The following KEL variants were observed in gnomAD, a reference collection of about 807,000 sequenced individuals.
KEL encodes Kell metallo-endopeptidase (Kell blood group).
In KEL, 96 loss-of-function variants were observed where a neutral mutation model predicts 99.5. That is an observed-to-expected ratio of 0.97 (90% CI 0.82 to 1.14). The LOEUF (loss-of-function observed/expected upper bound fraction) is 1.14, where lower values mean the gene tolerates loss of function less well. Ranked by LOEUF, KEL falls within the 50% of genes most tolerant of loss-of-function variation. The pLI is 0.00. For synonymous variants in KEL, 355 were observed against 354.8 expected (o/e 1.00, Z -0.01); for missense variants, 926 against 924.2 (o/e 1.00, Z -0.03).
chr7:142,955,869 C>T (rs548734273), intron 6 of KEL, among the ~76,000 whole-genome samples: 68 of 152,310 alleles, frequency 4.5e-4, no homozygotes, highest in Admixed American at 9.8e-4. Flanking sequence ...GTGTCCACTG[C>T]CATAACTGTT....
At chr7:142,957,609 C>A (rs1796856958) in intron 6 of KEL, among the ~76,000 whole-genome samples, 1 of 152,192 alleles carries the variant, frequency 6.6e-6, no homozygotes, top group African/African-American at 2.4e-5. Context: ...AAAGACCAGG[C>A]CTACTTCTGT....
At position 142,953,897 on chromosome 7, in the gene KEL, G is replaced by C. The variant is rs200342923; in HGVS notation, c.984C>G (p.Ser328=). The change falls in exon 9 of 19, where the codon TCC becomes TCG. Residue 328 remains serine, a synonymous_variant. Coordinates refer to ENST00000355265, the MANE Select transcript of KEL (RefSeq NM_000420.3). ...SCLQATFTPM[S]LSPSQSLVVH... is the part of the protein sequence containing the mutation. Reference sequence around the variant, plus strand: ...CCACGAGGGACTGAGAAGGGCTCAGGGACATCGGTGTGAATGTCGCTTGCA... The same window carrying C: ...CCACGAGGGACTGAGAAGGGCTCAGCGACATCGGTGTGAATGTCGCTTGCA... The C allele has an allele frequency of 1.2e-6, 2 of 1,614,192 alleles. No individual in the cohort carries two copies. Among genetic ancestry groups the C allele is most frequent in the South Asian group, 1.1e-5 (1 of 91,086 alleles).
At chr7:142,948,592 T>G (rs543449873) in intron 10 of KEL, among the ~76,000 whole-genome samples, 1 of 152,304 alleles carries the variant, frequency 6.6e-6, no homozygotes, top group African/African-American at 2.4e-5. Flanking sequence ...ATTAAACAGT[T>G]TTTTAACACT....
At chr7:142,954,855 C>T (rs1428760779) in intron 6 of KEL, among the ~76,000 whole-genome samples, 1 of 152,062 alleles carries the variant, frequency 6.6e-6, no homozygotes, top group East Asian at 1.9e-4. Context: ...AGGAACCTGT[C>T]CCAGGTACAA....
Position 142,953,970 on chromosome 7 carries a change from C to A in KEL, c.925-14G>T, listed in dbSNP as rs758539992. 6.2e-7 allele frequency: 1 copy of A among 1,612,788 alleles called. No homozygotes were observed. ...GGGGGCCATTTCCTTAGAGGAGGGA[C>A]ACAAAGCTGAGGGGGAAAAGGAAAA... On this transcript the variant is annotated splice_polypyrimidine_tract_variant and intron_variant, in intron 8 of 18. Transcript: ENST00000355265.
At chr7:142,960,421 G>A (rs1374032245) in intron 4 of KEL, among the ~76,000 whole-genome samples, 2 of 152,190 alleles carry the variant, frequency 1.3e-5, no homozygotes, top group Non-Finnish European at 2.9e-5. Flanking sequence ...GGGTAATGTT[G>A]ACAAGGAGTC....
intron 5 of KEL, among the ~76,000 whole-genome samples, 154 bp downstream of exon 5, chr7:142,958,150 T>C (rs1050323053): frequency 2.0e-5 from 3 of 152,078 alleles, no homozygotes; most frequent in African/African-American, 4.8e-5. Flanking sequence ...GATACTTTCA[T>C]AGGGCATAAC....
In KEL at chr7:142,954,497, T is replaced by C; in HGVS notation, c.703A>G (p.Lys235Glu). 6.2e-7 allele frequency: 1 copy of C among 1,614,092 alleles called. No individual in the cohort carries two copies. The highest frequency in any genetic ancestry group is 2.2e-5 in the East Asian group (1 of 44,870). Residue 235 changes from lysine to glutamate, a missense_variant, in exon 7 of 19, where the codon AAG (lysine) becomes GAG (glutamate). Physicochemically the swap from Lys to Glu is moderately conservative, Grantham distance 56 (BLOSUM62 1). Coordinates refer to ENST00000355265, the MANE Select transcript of KEL (RefSeq NM_000420.3). ...TAGATCTTCTGTTCTTGATCTTGCT[T>C]GAGGGGAACATCAAACTCTGGCTGG... ...IDQPEFDVPLKQDQEQKIYAQ... is the reference protein window; with the variant it reads ...IDQPEFDVPLEQDQEQKIYAQ...
intron 4 of KEL, among the ~76,000 whole-genome samples, chr7:142,960,175 T>C (rs1358095314): frequency 6.6e-6 from 1 of 152,234 alleles, no homozygotes; most frequent in Non-Finnish European, 1.5e-5. Context: ...TCTTCCAGCA[T>C]ATCCTTTGTA....
chr7:142,952,412 G>T, intron 10 of KEL, 97 bp downstream of exon 10: 1 of 1,476,866 alleles, frequency 6.8e-7, no homozygotes. Context: ...CTACCATCAC[G>T]GCCCCCTCCC....
At position 142,941,290 on chromosome 7, in the gene KEL, C is replaced by T; in HGVS notation, c.2161G>A (p.Ala721Thr). The change falls in exon 19 of 19, where the codon GCT (alanine) becomes ACT (threonine). Residue 721 changes from alanine to threonine, a missense_variant. Physicochemically the swap from Ala to Thr is moderately conservative, Grantham distance 58. Coordinates refer to ENST00000355265, the MANE Select transcript of KEL (RefSeq NM_000420.3). ...FARYFRCARG[A>T]LLNPSSRCQL... is the part of the protein sequence containing the mutation. ...CAGCGGCTGGAGGGGTTCAAGAGAG[C>T]ACCACGTGCACAGCGGAAATACCTG... The T allele has an allele frequency of 3.1e-6, 5 of 1,614,136 alleles. No homozygotes were observed. Among genetic ancestry groups the T allele is most frequent in the Non-Finnish European group, 4.2e-6 (5 of 1,180,040 alleles).
chr7:142,957,709 G>A, intron 6 of KEL, 118 bp downstream of exon 6: 2 of 1,295,912 alleles, frequency 1.5e-6, no homozygotes, highest in Non-Finnish European at 2.2e-6. Context: ...AGGTAGGGTT[G>A]TTTCCTATAT....
intron 10 of KEL, among the ~76,000 whole-genome samples, chr7:142,951,203 C>T (rs1279673324): frequency 6.6e-6 from 1 of 152,226 alleles, no homozygotes; most frequent in Non-Finnish European, 1.5e-5. Context: ...TTCAGGACAT[C>T]TAAGCCTTCT....
intron 11 of KEL, 69 bp downstream of exon 11, chr7:142,946,138 T>C (rs1443946097): frequency 1.8e-6 from 2 of 1,110,888 alleles, no homozygotes; most frequent in African/African-American, 1.5e-5. Flanking sequence ...TCAAAGTTAA[T>C]AGAAGAGGGA....
intron 10 of KEL, among the ~76,000 whole-genome samples, chr7:142,948,016 G>A (rs1273169987): frequency 1.3e-5 from 2 of 152,216 alleles, no homozygotes; most frequent in Non-Finnish European, 2.9e-5. Context: ...GCTACATGTG[G>A]AGCAGCAACC....
chr7:142,952,403 T>C, intron 10 of KEL, 106 bp downstream of exon 10: 1 of 1,426,088 alleles, frequency 7.0e-7, no homozygotes. Flanking sequence ...GAGGGGCATC[T>C]ACCATCACGG....
chr7:142,947,434 T>C (rs11980340), intron 10 of KEL, among the ~76,000 whole-genome samples: 143,265 of 152,198 alleles, frequency 0.94, 67,690 homozygotes, highest in East Asian at 1. Flanking sequence ...TGGTAGTCAC[T>C]GAAGAAAAAA....
At chr7:142,960,391 C>A (rs1414503674) in intron 4 of KEL, among the ~76,000 whole-genome samples, 1 of 152,038 alleles carries the variant, frequency 6.6e-6, no homozygotes, top group African/African-American at 2.4e-5. Context: ...GAGGGGAGCT[C>A]CGGCATGGTG....
chr7:142,942,420 T>A lies in KEL; in HGVS notation c.2037+14A>T, dbSNP rs374949198. 172 of 1,538,376 alleles carry A rather than the reference T, an allele frequency of 1.1e-4. No homozygotes were observed. In the African/African-American group the frequency reaches 1.5e-3, roughly 13 times the overall value. The stretch of plus-strand genomic sequence containing the variant: ...ACATAAAGCAAGCTGTGGCGGGAGG[T>A]GGCCGCTGCCTACCTGGGCATAGCT... On this transcript the variant is annotated intron_variant, in intron 18 of 18. Transcript: ENST00000355265.
Sources: gnomAD v4.1 joint callset for allele counts (sites outside exome capture counted in the v4.1 genomes callset) on GRCh38, gnomAD v4.1.1 for gene constraint, MANE v1.5 for transcripts, NCBI Gene and HGNC (gene_info 2026-07-23, HGNC 2026-07-21) for gene names.